The following STT3B variants were observed in gnomAD, a reference collection of about 807,000 sequenced individuals.
STT3B encodes STT3 oligosaccharyltransferase complex catalytic subunit B, also known as dolichyl-diphosphooligosaccharide--protein glycosyltransferase subunit STT3B.
A neutral mutation model predicts 96.8 loss-of-function variants in STT3B; 29 were observed. The ratio of observed to expected loss-of-function variants is 0.30; its 90% CI spans 0.22 to 0.41. STT3B has a LOEUF of 0.41. Among genes scored for constraint, STT3B ranks in the 10% least tolerant of loss-of-function variants. STT3B has a pLI of 1.00. For missense variants in STT3B, 640 were observed against 1,022.3 expected (o/e 0.63, Z 5.10); for synonymous variants, 367 against 360.0 (o/e 1.02, Z -0.22).
intron 1 of STT3B, among the ~76,000 whole-genome samples, chr3:31,537,963 C>G (rs1174654909): frequency 1.3e-5 from 2 of 152,078 alleles, no homozygotes; most frequent in East Asian, 1.9e-4. Flanking sequence ...TGTTTTTCCC[C>G]TCAATTTGTT....
chr3:31,554,913 TC>T (rs1487670799), intron 1 of STT3B, among the ~76,000 whole-genome samples: 1 of 152,134 alleles, frequency 6.6e-6, no homozygotes. Flanking sequence ...ATATTGACCA[TC>T]AGTATGTATT....
intron 10 of STT3B, 74 bp downstream of exon 10, chr3:31,622,382 C>A: frequency 8.2e-7 from 1 of 1,220,496 alleles, no homozygotes; most frequent in Non-Finnish European, 1.2e-6. Context: ...AAGAACTATA[C>A]ATATCAAGAA....
chr3:31,541,870 C>T (rs951957381), intron 1 of STT3B, among the ~76,000 whole-genome samples: 6 of 152,190 alleles, frequency 3.9e-5, no homozygotes, highest in Non-Finnish European at 8.8e-5. Context: ...GCCACCACGC[C>T]CGGCATTTCA....
chr3:31,577,166 G>A (rs2125452236), intron 2 of STT3B, among the ~76,000 whole-genome samples: 1 of 152,082 alleles, frequency 6.6e-6, no homozygotes, highest in Admixed American at 6.6e-5. Context: ...TGACTCTGTT[G>A]ATTACTTCTA....
intron 1 of STT3B, among the ~76,000 whole-genome samples, chr3:31,533,890 T>C (rs77280503): frequency 0.014 from 2,062 of 152,334 alleles, 59 homozygotes; most frequent in African/African-American, 0.046. Context: ...TTTCTTTTTA[T>C]GCTCTCATGA....
intron 1 of STT3B, among the ~76,000 whole-genome samples, chr3:31,543,441 A>T (rs1166731661): frequency 6.6e-6 from 1 of 152,252 alleles, no homozygotes; most frequent in Non-Finnish European, 1.5e-5. Context: ...ATCTTTCTAG[A>T]ATATCCTACA....
chr3:31,552,005 AT>A (rs1287253076), intron 1 of STT3B, among the ~76,000 whole-genome samples: 3 of 152,178 alleles, frequency 2.0e-5, no homozygotes, highest in African/African-American at 7.2e-5. Flanking sequence ...TTGGAAGCAG[AT>A]TATTTCCCTA....
intron 3 of STT3B, among the ~76,000 whole-genome samples, chr3:31,595,801 G>C (rs916528002): frequency 4.6e-5 from 7 of 152,164 alleles, no homozygotes; most frequent in Admixed American, 4.6e-4. Flanking sequence ...AATCCACTGT[G>C]GGTGATTGAT....
chr3:31,630,428 C>G (rs529356533), intron 14 of STT3B, among the ~76,000 whole-genome samples: 1 of 152,290 alleles, frequency 6.6e-6, no homozygotes, highest in South Asian at 2.1e-4. Flanking sequence ...TTTGTCCTTT[C>G]TCCACAAATG....
chr3:31,577,692 C>A (rs538823717), intron 2 of STT3B, among the ~76,000 whole-genome samples: 1 of 152,104 alleles, frequency 6.6e-6, no homozygotes, highest in East Asian at 1.9e-4. Flanking sequence ...TCTTCTTATC[C>A]TTGATGTAAA....
chr3:31,559,146 G>GGGGGGGGT (rs949401027), intron 1 of STT3B, among the ~76,000 whole-genome samples: 5 of 116,528 alleles, frequency 4.3e-5, no homozygotes, highest in Non-Finnish European at 7.1e-5. Context: ...TGATTCTTGG[G>GGGGGGGGT]GTGTGTGTGT....
intron 1 of STT3B, among the ~76,000 whole-genome samples, chr3:31,559,732 G>A (rs1466555726): frequency 6.6e-6 from 1 of 152,074 alleles, no homozygotes; most frequent in Admixed American, 6.5e-5. Context: ...TTTAAATCCA[G>A]TGTTTCTTTG....
chr3:31,550,428 A>G (rs1372818088), intron 1 of STT3B, among the ~76,000 whole-genome samples: 5 of 152,188 alleles, frequency 3.3e-5, no homozygotes. Flanking sequence ...CAAAATGACC[A>G]CCCATCAGTT....
chr3:31,616,722 CAT>C (rs768931117), intron 6 of STT3B, among the ~76,000 whole-genome samples: 4 of 147,022 alleles, frequency 2.7e-5, no homozygotes, highest in Non-Finnish European at 6.0e-5. Flanking sequence ...GGAGTCTGAT[CAT>C]TTAGGAAAAA....
At chr3:31,556,820 TTCTG>T (rs1382303417) in intron 1 of STT3B, among the ~76,000 whole-genome samples, 1 of 152,236 alleles carries the variant, frequency 6.6e-6, no homozygotes, top group Non-Finnish European at 1.5e-5. Context: ...TTACAGTATA[TTCTG>T]TCTTTCAGTA....
chr3:31,586,681 C>G (rs1376187009), intron 3 of STT3B, among the ~76,000 whole-genome samples: 2 of 152,092 alleles, frequency 1.3e-5, no homozygotes, highest in African/African-American at 4.8e-5. Flanking sequence ...TTGTCAAAAT[C>G]AATTGAATAT....
intron 1 of STT3B, among the ~76,000 whole-genome samples, chr3:31,566,903 A>G (rs1698020380): frequency 1.3e-5 from 2 of 152,322 alleles, no homozygotes; most frequent in Non-Finnish European, 2.9e-5. Flanking sequence ...CTGGTACACT[A>G]TGGTTGCTCA....
chr3:31,567,023 A>G lies in STT3B; in HGVS notation c.315-9373A>G, dbSNP rs549836706. Among the ~76,000 whole-genome samples, 8 of 152,322 alleles carry G rather than the reference A, an allele frequency of 5.3e-5. No homozygotes were observed. In the East Asian group the frequency reaches 1.3e-3, roughly 26 times the overall value. Reference sequence around the variant, plus strand: ...CATTTTTCTAATATCTTGTCATGCAAGACTTCCTGGGATTCTCTTAAAGCT... The same window carrying G: ...CATTTTTCTAATATCTTGTCATGCAGGACTTCCTGGGATTCTCTTAAAGCT... On this transcript the variant is annotated intron_variant, in intron 1 of 15. Transcript: ENST00000295770.
intron 4 of STT3B, 29 bp from the exon 5 acceptor site, chr3:31,600,331 T>C (rs769154063): frequency 1.0e-6 from 1 of 1,000,080 alleles, no homozygotes; most frequent in Non-Finnish European, 1.5e-6. Context: ...TAAAAATATA[T>C]ATTTAACTTA....
Sources: gnomAD v4.1 joint callset for allele counts (sites outside exome capture counted in the v4.1 genomes callset) on GRCh38, gnomAD v4.1.1 for gene constraint, MANE v1.5 for transcripts, NCBI Gene and HGNC (gene_info 2026-07-23, HGNC 2026-07-21) for gene names.